The following CASTOR2 variants were observed in gnomAD, a reference collection of about 807,000 sequenced individuals.
The protein encoded by CASTOR2 is cytosolic arginine sensor for mTORC1 subunit 2.
A neutral mutation model predicts 31.2 loss-of-function variants in CASTOR2; 8 were observed. The observed-to-expected ratio is 0.26, with a 90% CI of 0.15 to 0.46. CASTOR2 has a LOEUF of 0.46. Ranked by LOEUF, CASTOR2 falls within the 20% of genes least tolerant of loss-of-function variation. CASTOR2 has a pLI of 0.99. For missense variants in CASTOR2, 216 were observed against 382.1 expected, an observed-to-expected ratio of 0.57 and a Z score of 3.62; for synonymous variants, 162 against 158.7, an observed-to-expected ratio of 1.02 and a Z score of -0.16.
rs1471827678 is a variant in CASTOR2 at position 75,026,589 on chromosome 7, CCA to C, written c.*1892_*1893del. ...GTGGGACCCTCTGAGCCCTGGAAGC[CCA>C]CCAGAAGGAGAAGCTGTTCTTTAAA... On this transcript the variant is annotated 3_prime_UTR_variant, in exon 9 of 9. Coordinates refer to ENST00000616305, the MANE Select transcript of CASTOR2 (RefSeq NM_001145064.3). 1.3e-5 allele frequency among the ~76,000 whole-genome samples: 2 copies of C among 152,134 alleles called. No individual in the cohort carries two copies. The highest frequency in any genetic ancestry group is 2.9e-5 in the Non-Finnish European group (2 of 68,028).
At position 75,013,243 on chromosome 7, in the gene CASTOR2, T is replaced by A. The variant is rs1450039306; in HGVS notation, c.185-4355T>A. 1.6e-4 allele frequency among the ~76,000 whole-genome samples: 25 copies of A among 152,222 alleles called. 1 individual carries two copies. Among genetic ancestry groups the A allele is most frequent in the African/African-American group, 6.0e-4 (25 of 41,460 alleles). On this transcript the variant is annotated intron_variant, in intron 2 of 8. Coordinates refer to ENST00000616305, the MANE Select transcript of CASTOR2 (RefSeq NM_001145064.3). Reference sequence around the variant, plus strand: ...ACTGGCAGCTTTGATAGTTAGAAGCTAGCAGCTGGCCATGGTTCAGTGGAT... The same window carrying A: ...ACTGGCAGCTTTGATAGTTAGAAGCAAGCAGCTGGCCATGGTTCAGTGGAT...
intron 1 of CASTOR2, among the ~76,000 whole-genome samples, chr7:75,003,746 C>A (rs1804548191): frequency 6.6e-6 from 1 of 151,290 alleles, no homozygotes. Context: ...GAGACTCCAT[C>A]TCAAAAAAAA....
At chr7:74,995,251 C>CT (rs1804313097) in intron 1 of CASTOR2, among the ~76,000 whole-genome samples, 1 of 151,870 alleles carries the variant, frequency 6.6e-6, no homozygotes, top group African/African-American at 2.4e-5. Context: ...ATTGCTAAGA[C>CT]TAAGAAGCCA....
rs1413205218 is a variant in CASTOR2 at position 75,030,193 on chromosome 7, G to C, written c.*5494G>C. On this transcript the variant is annotated 3_prime_UTR_variant, in exon 9 of 9. Coordinates refer to ENST00000616305, the MANE Select transcript of CASTOR2 (RefSeq NM_001145064.3). ...CTGTGTGCTAGGAGTGGGGGTGCAGGCCTAGGTGTGTTTATGCACACGTTT... is the reference window on the plus strand; with the variant it reads ...CTGTGTGCTAGGAGTGGGGGTGCAGCCCTAGGTGTGTTTATGCACACGTTT... Among the ~76,000 whole-genome samples, 5 of 152,240 alleles carry C rather than the reference G, an allele frequency of 3.3e-5. No individual in the cohort carries two copies. The highest frequency in any genetic ancestry group is 5.9e-5 in the Non-Finnish European group (4 of 68,040).
chr7:75,016,002 GT>G (rs1804854780), intron 2 of CASTOR2, among the ~76,000 whole-genome samples: 1 of 152,124 alleles, frequency 6.6e-6, no homozygotes, highest in African/African-American at 2.4e-5. Flanking sequence ...GGAGGCAGAG[GT>G]TGCAGTGAGC....
At chr7:75,000,554 T>C (rs1257640024) in intron 1 of CASTOR2, among the ~76,000 whole-genome samples, 1 of 152,054 alleles carries the variant, frequency 6.6e-6, no homozygotes, top group Non-Finnish European at 1.5e-5. Context: ...AAGACACCTG[T>C]CTTGGGGCAT....
intron 6 of CASTOR2, 143 bp from the exon 7 acceptor site, chr7:75,021,731 A>G: frequency 1.0e-6 from 1 of 961,102 alleles, no homozygotes; most frequent in Admixed American, 2.0e-5. Context: ...GGTGTCTGGA[A>G]GGGATTGTTT....
chr7:74,984,887 T>C (rs1329547226), intron 1 of CASTOR2, among the ~76,000 whole-genome samples: 1 of 152,162 alleles, frequency 6.6e-6, no homozygotes, highest in Non-Finnish European at 1.5e-5. Context: ...ATCCCAGCCC[T>C]TTGGGAGGCC....
Position 75,025,953 on chromosome 7 carries a change from A to G in CASTOR2, c.*1254A>G, listed in dbSNP as rs1439690321. 1.3e-5 allele frequency among the ~76,000 whole-genome samples: 2 copies of G among 152,158 alleles called. No individual in the cohort carries two copies. The highest frequency in any genetic ancestry group is 2.4e-5 in the African/African-American group (1 of 41,446). On this transcript the variant is annotated 3_prime_UTR_variant, in exon 9 of 9. Coordinates refer to ENST00000616305, the MANE Select transcript of CASTOR2 (RefSeq NM_001145064.3). ...AAGCTAGGAGCAGAGATCTGTTACA[A>G]GACGCTGGAGCCGCTGGCACCCCAC...
Position 75,028,050 on chromosome 7 carries a change from TGTC to T in CASTOR2, c.*3352_*3354del. On this transcript the variant is annotated 3_prime_UTR_variant, in exon 9 of 9. Coordinates refer to ENST00000616305, the MANE Select transcript of CASTOR2 (RefSeq NM_001145064.3). ...GAGGTAATCAGAGGAGTGGGCCTGT[TGTC>T]TTGGCGCTGGCGGATGGGGCAGGTG... The T allele has an allele frequency of 1.3e-6, 2 of 1,534,564 alleles. No homozygotes were observed. The highest frequency in any genetic ancestry group is 1.7e-6 in the Non-Finnish European group (2 of 1,146,676).
intron 1 of CASTOR2, among the ~76,000 whole-genome samples, chr7:74,992,341 C>T (rs1554437433): frequency 4.6e-5 from 7 of 152,296 alleles, no homozygotes; most frequent in Admixed American, 2.0e-4. Flanking sequence ...GTGGCTCAAT[C>T]CTGTAATCCT....
At chr7:75,023,437 G>A (rs1484229727) in intron 7 of CASTOR2, among the ~76,000 whole-genome samples, 4 of 150,904 alleles carry the variant, frequency 2.7e-5, no homozygotes, top group African/African-American at 4.9e-5. Flanking sequence ...TCCAGACAAC[G>A]TCTTTGGTGG....
Position 75,020,044 on chromosome 7 carries a change from A to G in CASTOR2, c.641A>G (p.Lys214Arg). 1 of 1,551,350 alleles carries G rather than the reference A, an allele frequency of 6.4e-7. No homozygotes were observed. Among genetic ancestry groups the G allele is most frequent in the Non-Finnish European group, 8.7e-7 (1 of 1,146,816 alleles). ...MDVMFYSNGV[K>R]DPMATGDDCG... ...CAGCTGCCTCTGGTCCCCAGAGTGAAGGACCCCATGGCCACTGGGGATGAC... is the reference window on the plus strand; with the variant it reads ...CAGCTGCCTCTGGTCCCCAGAGTGAGGGACCCCATGGCCACTGGGGATGAC... Residue 214 changes from lysine to arginine, a missense_variant, in exon 6 of 9, where the codon AAG (lysine) becomes AGG (arginine). By Grantham distance (26) the Lys-to-Arg change is conservative (BLOSUM62 2). Transcript: ENST00000616305.
In CASTOR2 at chr7:75,031,454, A is replaced by G. The variant is rs1435080055; in HGVS notation, c.*6755A>G. Among the ~76,000 whole-genome samples, 4 of 152,084 alleles carry G rather than the reference A, an allele frequency of 2.6e-5. No homozygotes were observed. Among genetic ancestry groups the G allele is most frequent in the Non-Finnish European group, 5.9e-5 (4 of 68,004 alleles). ...ATGTACTGTATGTTGGAGAAAAAAA[A>G]TTACCTAATGTTCCCCCAAAAAAGA... On this transcript the variant is annotated 3_prime_UTR_variant, in exon 9 of 9. Transcript: ENST00000616305.
intron 1 of CASTOR2, among the ~76,000 whole-genome samples, chr7:74,985,837 A>G (rs1271210658): frequency 0.024 from 3,577 of 152,120 alleles, 56 homozygotes; most frequent in Non-Finnish European, 0.03. Context: ...GGATACCTGG[A>G]TAGCTCTTTT....
chr7:75,012,113 A>G (rs1256795397), intron 2 of CASTOR2, among the ~76,000 whole-genome samples: 2 of 152,190 alleles, frequency 1.3e-5, no homozygotes, highest in Admixed American at 6.5e-5. Context: ...AGCCTAAATA[A>G]GGAGAAAGTG....
At chr7:74,984,932 G>T (rs1804028364) in intron 1 of CASTOR2, among the ~76,000 whole-genome samples, 1 of 152,168 alleles carries the variant, frequency 6.6e-6, no homozygotes, top group African/African-American at 2.4e-5. Flanking sequence ...AGGAGTTCAA[G>T]ACCAGCCTGG....
intron 1 of CASTOR2, among the ~76,000 whole-genome samples, chr7:74,999,316 T>C (rs1804435796): frequency 6.6e-6 from 1 of 152,036 alleles, no homozygotes; most frequent in Non-Finnish European, 1.5e-5. Flanking sequence ...GACCTTATTT[T>C]CTATCTTAAG....
At chr7:74,965,725 T>TG (rs1487015365) in intron 1 of CASTOR2, among the ~76,000 whole-genome samples, 115 of 670 alleles carry the variant, frequency 0.17, 14 homozygotes, top group African/African-American at 0.4. Context: ...GGAAAGGGGG[T>TG]GGGGGGGTGT....
Sources: gnomAD v4.1 joint callset for allele counts (sites outside exome capture counted in the v4.1 genomes callset) on GRCh38, gnomAD v4.1.1 for gene constraint, MANE v1.5 for transcripts, NCBI Gene and HGNC (gene_info 2026-07-23, HGNC 2026-07-21) for gene names.